Variants in MTREX observed in about 807,000 individuals in gnomAD.
MTREX encodes exosome RNA helicase MTR4.
MTREX carries 76 observed loss-of-function variants against 135.4 expected under a neutral mutation model. That is an observed-to-expected ratio of 0.56 (90% CI 0.47 to 0.68). The LOEUF is 0.68. MTREX is among the 30% of genes least tolerant of loss of function. The pLI is 0.00. For missense variants in MTREX, 920 were observed against 1,262.1 expected (o/e 0.73, Z 4.11); for synonymous variants, 404 against 401.6 (o/e 1.01, Z -0.07).
intron 15 of MTREX, among the ~76,000 whole-genome samples, 188 bp from the exon 16 acceptor site, chr5:55,366,537 A>AT (rs903348523): frequency 1.3e-5 from 2 of 151,074 alleles, no homozygotes; most frequent in African/African-American, 2.4e-5. Flanking sequence ...TTTCATACTG[A>AT]TTTTTTTTTC....
In MTREX at chr5:55,322,476, A is replaced by G. The variant is rs1271128157; in HGVS notation, c.272+12A>G. 11 of 1,569,184 alleles carry G rather than the reference A, an allele frequency of 7.0e-6. No homozygotes were observed. ...ACTGAAGACTTAAGGTAATATTTCC[A>G]AAGTCCTAAATGTTAGTAACTCATA... On this transcript the variant is annotated intron_variant, in intron 2 of 26. Coordinates refer to ENST00000230640, the MANE Select transcript of MTREX (RefSeq NM_015360.5).
chr5:55,400,770 ATTC>A (rs1257487619), intron 21 of MTREX, among the ~76,000 whole-genome samples: 1 of 152,178 alleles, frequency 6.6e-6, no homozygotes, highest in Non-Finnish European at 1.5e-5. Flanking sequence ...ACTTCAGAAC[ATTC>A]TTCTCACCCT....
At chr5:55,322,537 C>G (rs1458895546) in intron 2 of MTREX, 73 bp downstream of exon 2, 1 of 1,160,656 alleles carries the variant, frequency 8.6e-7, no homozygotes, top group Non-Finnish European at 1.2e-6. Context: ...AAAATTGTCT[C>G]CATGTTGCTA....
intron 25 of MTREX, among the ~76,000 whole-genome samples, chr5:55,420,816 C>T (rs1476951216): frequency 7.6e-6 from 1 of 132,224 alleles, no homozygotes; most frequent in African/African-American, 2.8e-5. Flanking sequence ...ATACTAAAAA[C>T]CACTCAGTTG....
chr5:55,376,879 G>T (rs982534088), intron 16 of MTREX, among the ~76,000 whole-genome samples: 3 of 152,058 alleles, frequency 2.0e-5, no homozygotes, highest in African/African-American at 7.2e-5. Context: ...AAACCAGCCT[G>T]GCCAACATGG....
At position 55,387,755 on chromosome 5, in the gene MTREX, T is replaced by C. The variant is rs568462529; in HGVS notation, c.2053-219T>C. ...CTTGACAGTGCTTGTACTATTAAAT[T>C]AGAATTTATAAATATAAAGTTATTT... On this transcript the variant is annotated intron_variant, in intron 18 of 26. Transcript: ENST00000230640. Among the ~76,000 whole-genome samples, 25 of 152,252 alleles carry C rather than the reference T, an allele frequency of 1.6e-4. No individual in the cohort carries two copies. The South Asian group carries it at 4.6e-3, about 28-fold the overall frequency.
chr5:55,340,316 T>G (rs1156860091), intron 6 of MTREX, 132 bp downstream of exon 6: 1 of 474,054 alleles, frequency 2.1e-6, no homozygotes, highest in Non-Finnish European at 3.6e-6. Flanking sequence ...TGATTAGACT[T>G]AGGCAAAATG....
chr5:55,369,298 TAAAA>T (rs994295003), intron 16 of MTREX, among the ~76,000 whole-genome samples: 2 of 152,152 alleles, frequency 1.3e-5, no homozygotes, highest in Non-Finnish European at 2.9e-5. Context: ...GTTTAATACT[TAAAA>T]AAGGAAATTA....
intron 1 of MTREX, among the ~76,000 whole-genome samples, chr5:55,312,531 G>A (rs1233399501): frequency 4.6e-5 from 7 of 151,452 alleles, no homozygotes; most frequent in East Asian, 3.9e-4. Flanking sequence ...CATCCCTGTC[G>A]CCACCTATCT....
rs747521885 is a variant in MTREX at position 55,343,418 on chromosome 5, G to A, written c.869G>A (p.Arg290Gln). The A allele has an allele frequency of 1.5e-5, 24 of 1,613,058 alleles. No homozygotes were observed. Among genetic ancestry groups the A allele is most frequent in the African/African-American group, 4.0e-5 (3 of 74,800 alleles). ...VFLSATIPNA[R>Q]QFAEWICHLH... is the part of the protein sequence containing the mutation. ...CTTTCGGCTACTATTCCAAATGCCC[G>A]ACAGTTTGCTGAATGGATTTGCCAT... The change falls in exon 8 of 27, where the codon CGA (arginine) becomes CAA (glutamine). Residue 290 changes from arginine to glutamine, a missense_variant. Around this residue, in one of 6 missense-constraint regions of MTREX, gnomAD observed 88 missense variants for 202.5 expected, o/e 0.43. Transcript: ENST00000230640.
chr5:55,399,658 T>C (rs1191659385), intron 20 of MTREX, among the ~76,000 whole-genome samples: 5 of 151,978 alleles, frequency 3.3e-5, no homozygotes, highest in Non-Finnish European at 7.4e-5. Context: ...TGGCTAATTT[T>C]TTGTATTTTT....
chr5:55,356,521 A>G (rs1018178969), intron 14 of MTREX: 5 of 202,402 alleles, frequency 2.5e-5, no homozygotes, highest in African/African-American at 7.0e-5. Flanking sequence ...ACCACCCACA[A>G]GTGTCTCAGG....
rs746938009 is a variant in MTREX at position 55,378,413 on chromosome 5, G to T, written c.1910G>T (p.Gly637Val). 6.2e-7 allele frequency: 1 copy of T among 1,612,190 alleles called. No homozygotes were observed. Among genetic ancestry groups the T allele is most frequent in the South Asian group, 1.1e-5 (1 of 90,406 alleles). ...YKIRQQLAKLGKEIEEYIHKP... is the reference protein window; with the variant it reads ...YKIRQQLAKLVKEIEEYIHKP... Reference sequence around the variant, plus strand: ...ATTAGACAGCAGCTTGCCAAATTGGGTAAAGAAATTGAAGAATATATTCAC... The same window carrying T: ...ATTAGACAGCAGCTTGCCAAATTGGTTAAAGAAATTGAAGAATATATTCAC... The change falls in exon 17 of 27, where the codon GGT (glycine) becomes GTT (valine). Residue 637 changes from glycine to valine, a missense_variant. This residue lies in a region of MTREX where 467 missense variants were observed against 589.7 expected (regional missense o/e 0.79). Coordinates refer to ENST00000230640, the MANE Select transcript of MTREX (RefSeq NM_015360.5).
At chr5:55,382,935 C>T (rs1374401165) in intron 18 of MTREX, among the ~76,000 whole-genome samples, 1 of 152,042 alleles carries the variant, frequency 6.6e-6, no homozygotes. Flanking sequence ...TGCCTGGCCA[C>T]TTTTTATTAC....
rs546735546 is a variant in MTREX, at chr5:55,398,942, T to C, written c.2293-1291T>C. ...TAGTGAGAAGCCACAGGAGGAAGAA[T>C]TGGGGAAATTAGCCTGCCAACAGGA... is the stretch of plus-strand genomic sequence containing the variant. On this transcript the variant is annotated intron_variant, in intron 20 of 26. Coordinates refer to ENST00000230640, the MANE Select transcript of MTREX (RefSeq NM_015360.5). Among the ~76,000 whole-genome samples the C allele has an allele frequency of 4.6e-5, 7 of 152,268 alleles. No individual in the cohort carries two copies. In the East Asian group the frequency reaches 1.3e-3, roughly 29 times the overall value.
rs761591150 is a variant in MTREX, at chr5:55,308,139, C to G, written c.126C>G (p.Asp42Glu). The change falls in exon 1 of 27, where the codon GAC (aspartate) becomes GAG (glutamate). Residue 42 changes from aspartate to glutamate, a missense_variant. Physicochemically the swap from Asp to Glu is conservative, Grantham distance 45 (BLOSUM62 2). Coordinates refer to ENST00000230640, the MANE Select transcript of MTREX (RefSeq NM_015360.5). Reference sequence around the variant, plus strand: ...GGAAGGGGCCTCCAGGGTCTGCAGACAAGGCAGGGTAAGGAAGAAGTTCCA... The same window carrying G: ...GGAAGGGGCCTCCAGGGTCTGCAGAGAAGGCAGGGTAAGGAAGAAGTTCCA... Reference protein sequence around the residue: ...GKWKGPPGSADKAGKRFDGKL... With the variant: ...GKWKGPPGSAEKAGKRFDGKL... 6.3e-7 allele frequency: 1 copy of G among 1,599,590 alleles called. No individual in the cohort carries two copies. The highest frequency in any genetic ancestry group is 1.1e-5 in the South Asian group (1 of 89,808).
intron 25 of MTREX, among the ~76,000 whole-genome samples, chr5:55,417,903 T>TTTTTTA (rs1274303450): frequency 2.0e-5 from 3 of 151,932 alleles, no homozygotes; most frequent in Non-Finnish European, 4.4e-5. Context: ...TTTTTTTTAT[T>TTTTTTA]TTTTTATTTT....
At chr5:55,404,472 G>A (rs186711625) in intron 21 of MTREX, among the ~76,000 whole-genome samples, 1 of 152,318 alleles carries the variant, frequency 6.6e-6, no homozygotes, top group East Asian at 1.9e-4. Flanking sequence ...TAAGGGCAAA[G>A]AGAAGGAATA....
At chr5:55,409,759 C>T (rs1300471777) in intron 22 of MTREX, among the ~76,000 whole-genome samples, 1 of 152,176 alleles carries the variant, frequency 6.6e-6, no homozygotes, top group African/African-American at 2.4e-5. Context: ...TGAGCTAGTA[C>T]CTACCTGTTA....
Sources: gnomAD v4.1 joint callset for allele counts (sites outside exome capture counted in the v4.1 genomes callset) on GRCh38, gnomAD v4.1.1 for gene constraint, gnomAD v4.1.1 regional missense constraint, MANE v1.5 for transcripts, NCBI Gene and HGNC (gene_info 2026-07-23, HGNC 2026-07-21) for gene names.